The following PPP2R2B variants were observed in gnomAD, a reference collection of about 807,000 sequenced individuals.
The protein encoded by PPP2R2B is protein phosphatase 2 regulatory subunit Bbeta.
A neutral mutation model predicts 46.0 loss-of-function variants in PPP2R2B; 5 were observed. The observed-to-expected ratio is 0.11, with a 90% CI of 0.06 to 0.23. The LOEUF (loss-of-function observed/expected upper bound fraction) is 0.23. Ranked by LOEUF, PPP2R2B falls within the 10% of genes least tolerant of loss-of-function variation. The pLI is 1.00. For synonymous variants in PPP2R2B, 215 were observed against 206.7 expected (o/e 1.04, Z -0.34); for missense variants, 367 against 575.0 (o/e 0.64, Z 3.70).
chr5:146,936,635 GACATGCACAAAGC>G (rs1483502992), intron 1 of PPP2R2B, among the ~76,000 whole-genome samples: 13 of 151,988 alleles, frequency 8.6e-5, no homozygotes, highest in African/African-American at 3.1e-4. Flanking sequence ...ATAGTAAGAG[GACATGCACAAAGC>G]ACTAAAGCTC....
At chr5:146,975,688 G>C (rs1473931402) in intron 1 of PPP2R2B, among the ~76,000 whole-genome samples, 1 of 152,150 alleles carries the variant, frequency 6.6e-6, no homozygotes, top group African/African-American at 2.4e-5. Flanking sequence ...CATCCTAATG[G>C]GTGTGAGGTA....
At chr5:146,941,950 C>A (rs1764336274) in intron 1 of PPP2R2B, among the ~76,000 whole-genome samples, 1 of 152,136 alleles carries the variant, frequency 6.6e-6, no homozygotes, top group Admixed American at 6.5e-5. Flanking sequence ...CTTCTTCCAG[C>A]TTTTGGTGTT....
chr5:146,600,382 C>G lies in PPP2R2B; in HGVS notation c.869G>C (p.Ser290Thr). 1 of 1,613,958 alleles carries G rather than the reference C, an allele frequency of 6.2e-7. No homozygotes were observed. The highest frequency in any genetic ancestry group is 8.5e-7 in the Non-Finnish European group (1 of 1,179,930). Residue 290 changes from serine (S) to threonine (T), a missense_variant, in exon 8 of 10, where the codon AGC becomes ACC. Physicochemically the swap from Ser to Thr is moderately conservative, Grantham distance 58. Coordinates refer to ENST00000394411, the MANE Select transcript of PPP2R2B (RefSeq NM_181675.4). ...GGTCATGATATACCTCCCACTGTGG[C>G]TGAACTTCACATCCGAAATCGAAGA... ...IISSISDVKF[S>T]HSGRYIMTRD...
upstream of PPP2R2B, among the ~76,000 whole-genome samples, chr5:147,056,473 A>G (rs1757087141): frequency 6.6e-6 from 1 of 152,206 alleles, no homozygotes; most frequent in Admixed American, 6.5e-5. Context: ...TGCCAGCCTT[A>G]ACAGTGAAGC....
In PPP2R2B at chr5:146,736,492, C is replaced by T. The variant is rs143236923; in HGVS notation, c.71-35350G>A. 4.5e-3 allele frequency among the ~76,000 whole-genome samples: 684 copies of T among 152,210 alleles called. 3 individuals are homozygous for T. The highest frequency in any genetic ancestry group is 0.015 in the African/African-American group (635 of 41,528). ...GAGAGATAACTAACTTGCTCCAGAT[C>T]GTGCAGGAAGAAATGATGCTGACAT... is the stretch of plus-strand genomic sequence containing the variant. On this transcript the variant is annotated intron_variant, in intron 2 of 9. Coordinates refer to ENST00000394411, the MANE Select transcript of PPP2R2B (RefSeq NM_181675.4).
intron 1 of PPP2R2B, among the ~76,000 whole-genome samples, chr5:146,977,858 T>A (rs1052039688): frequency 1.3e-5 from 2 of 152,198 alleles, no homozygotes; most frequent in African/African-American, 4.8e-5. Flanking sequence ...GTCTTTATAG[T>A]AGAATGATTT....
chr5:146,907,428 C>G (rs973924553), intron 1 of PPP2R2B, among the ~76,000 whole-genome samples: 1 of 152,084 alleles, frequency 6.6e-6, no homozygotes, highest in Non-Finnish European at 1.5e-5. Context: ...AGCTTATATT[C>G]CTATTATGGA....
chr5:146,903,391 CTTT>C (rs58777308), intron 1 of PPP2R2B, among the ~76,000 whole-genome samples: 50,720 of 119,818 alleles, frequency 0.42, 10,192 homozygotes, highest in East Asian at 0.66. Context: ...CTTTCTTTCT[CTTT>C]TTTTTTTTTT....
intron 2 of PPP2R2B, among the ~76,000 whole-genome samples, chr5:146,826,980 AG>A (rs759224352): frequency 1.4e-4 from 21 of 152,334 alleles, no homozygotes; most frequent in Middle Eastern, 3.4e-3. Flanking sequence ...AGCTCATCAC[AG>A]GTGCTCAATA....
intron 1 of PPP2R2B, among the ~76,000 whole-genome samples, chr5:146,963,645 A>G (rs907083270): frequency 6.6e-6 from 1 of 152,028 alleles, no homozygotes; most frequent in Non-Finnish European, 1.5e-5. Context: ...TTTTTTTCCC[A>G]TAGATAATGT....
At chr5:146,863,736 A>G (rs1480483627) in intron 2 of PPP2R2B, among the ~76,000 whole-genome samples, 1 of 152,036 alleles carries the variant, frequency 6.6e-6, no homozygotes, top group Non-Finnish European at 1.5e-5. Context: ...TATTGTATAA[A>G]CTTTTTTAAA....
At chr5:146,866,704 A>G (rs552492145) in intron 2 of PPP2R2B, among the ~76,000 whole-genome samples, 6 of 152,296 alleles carry the variant, frequency 3.9e-5, no homozygotes, top group African/African-American at 1.4e-4. Flanking sequence ...TATACCATAG[A>G]TACATAATAC....
At chr5:146,993,108 A>G (rs1753773345) in intron 1 of PPP2R2B, among the ~76,000 whole-genome samples, 1 of 151,894 alleles carries the variant, frequency 6.6e-6, no homozygotes, top group South Asian at 2.1e-4. Flanking sequence ...ATGCCCAGCT[A>G]ATTTTTGCAT....
intron 2 of PPP2R2B, among the ~76,000 whole-genome samples, chr5:146,724,176 T>C (rs1014717184): frequency 6.6e-6 from 1 of 152,124 alleles, no homozygotes. Flanking sequence ...GAAAACATAG[T>C]GGTGTTAAGC....
At chr5:146,762,905 CAT>C (rs1190418920) in intron 2 of PPP2R2B, among the ~76,000 whole-genome samples, 50 of 151,288 alleles carry the variant, frequency 3.3e-4, no homozygotes, top group Admixed American at 3.2e-3. Context: ...TAATAAGGAA[CAT>C]GTGTGGAATA....
At chr5:146,774,816 C>CAAA (rs548935070) in intron 2 of PPP2R2B, among the ~76,000 whole-genome samples, 1 of 66,716 alleles carries the variant, frequency 1.5e-5, no homozygotes, top group African/African-American at 5.5e-5. Context: ...GACTCTGTCT[C>CAAA]AAAAAAAAAA....
chr5:146,690,159 C>T (rs1778753870), intron 5 of PPP2R2B, among the ~76,000 whole-genome samples: 1 of 152,182 alleles, frequency 6.6e-6, no homozygotes, highest in East Asian at 1.9e-4. Context: ...TGTCTGAAAT[C>T]ACATATTTTA....
At position 146,580,873 on chromosome 5, in the gene PPP2R2B, A is replaced by G. The variant is rs1429902799; in HGVS notation, c.*9074T>C. 6.6e-6 allele frequency among the ~76,000 whole-genome samples: 1 copy of G among 152,166 alleles called. No homozygotes were observed. Among genetic ancestry groups the G allele is most frequent in the Non-Finnish European group, 1.5e-5 (1 of 68,016 alleles). On this transcript the variant is annotated 3_prime_UTR_variant, in exon 10 of 10. Transcript: ENST00000394411. ...TTGAGAACAATGGAGTTAATGAATC[A>G]ACCCCGTGCTGGTCAAAGTGAAGAG...
intron 1 of PPP2R2B, among the ~76,000 whole-genome samples, chr5:146,970,505 G>A (rs2151847977): frequency 6.6e-6 from 1 of 152,112 alleles, no homozygotes; most frequent in East Asian, 1.9e-4. Flanking sequence ...CTGAGGCATG[G>A]GAATTGCTTA....
Sources: allele counts gnomAD v4.1 joint callset (sites outside exome capture counted in the v4.1 genomes callset), GRCh38; gene constraint gnomAD v4.1.1; transcripts MANE v1.5; gene names NCBI Gene and HGNC (gene_info 2026-07-23, HGNC 2026-07-21).